The following WDFY4 variants were observed in gnomAD, a reference collection of about 807,000 sequenced individuals.
WDFY4 encodes WDFY family member 4, also known as WD repeat- and FYVE domain-containing protein 4.
A neutral mutation model predicts 351.9 loss-of-function variants in WDFY4; 169 were observed. The ratio of observed to expected loss-of-function variants is 0.48; its 90% confidence interval spans 0.42 to 0.55. The LOEUF is 0.55. WDFY4 is among the 20% of genes least tolerant of loss of function. WDFY4 has a pLI of 0.00. For missense variants in WDFY4, 3,803 were observed against 3,935.6 expected, an observed-to-expected ratio of 0.97 and a Z score of 0.90; for synonymous variants, 1,622 against 1,574.6, an observed-to-expected ratio of 1.03 and a Z score of -0.71.
At chr10:48,905,269 G>A (rs1159793005) in intron 47 of WDFY4, among the ~76,000 whole-genome samples, 1 of 152,214 alleles carries the variant, frequency 6.6e-6, no homozygotes, top group East Asian at 1.9e-4. Context: ...GAGGGGCAGA[G>A]GGAGGAATGC....
intron 39 of WDFY4, among the ~76,000 whole-genome samples, chr10:48,848,355 A>G (rs2068846466): frequency 6.6e-6 from 1 of 152,252 alleles, no homozygotes; most frequent in South Asian, 2.1e-4. Context: ...CAAGGTGGAT[A>G]TGTCAGCCTT....
chr10:48,941,746 C>A (rs1177797745), intron 47 of WDFY4, 60 bp from the exon 48 acceptor site: 5 of 1,532,408 alleles, frequency 3.3e-6, no homozygotes, highest in South Asian at 1.2e-5. Context: ...CCCCACCTCT[C>A]CCCTGTTTGT....
At chr10:48,688,356 G>C (rs2063109253) in intron 1 of WDFY4, among the ~76,000 whole-genome samples, 1 of 152,028 alleles carries the variant, frequency 6.6e-6, no homozygotes. Flanking sequence ...AAAAAACTAT[G>C]TTCAGATTTG....
chr10:48,736,538 G>A (rs1338709830), intron 11 of WDFY4, among the ~76,000 whole-genome samples: 1 of 152,258 alleles, frequency 6.6e-6, no homozygotes. Context: ...TGGAAGTGCA[G>A]CTCAAATCAG....
intron 44 of WDFY4, among the ~76,000 whole-genome samples, chr10:48,895,836 C>CA (rs2133386861): frequency 6.6e-6 from 1 of 152,272 alleles, no homozygotes; most frequent in Non-Finnish European, 1.5e-5. Context: ...CATAACTCTC[C>CA]AAGGGGCCTC....
intron 47 of WDFY4, chr10:48,909,589 T>C (rs953160074): frequency 6.6e-6 from 1 of 152,026 alleles, no homozygotes; most frequent in African/African-American, 2.4e-5. Flanking sequence ...CCACTCATGG[T>C]GGAAGGTGAA....
At chr10:48,943,500 A>C in intron 49 of WDFY4, 51 bp downstream of exon 49, 3 of 1,534,260 alleles carry the variant, frequency 2.0e-6, no homozygotes, top group South Asian at 1.2e-5. Flanking sequence ...TCGGACGTTG[A>C]TAACAGAGAC....
At chr10:48,704,561 C>A (rs961339277) in intron 1 of WDFY4, among the ~76,000 whole-genome samples, 2 of 152,112 alleles carry the variant, frequency 1.3e-5, no homozygotes, top group Non-Finnish European at 2.9e-5. Context: ...GTCCAAGAAC[C>A]TTTCCAGGGT....
At position 48,785,474 on chromosome 10, in the gene WDFY4, G is replaced by A. The variant is rs140400834; in HGVS notation, c.3577-1165G>A. On this transcript the variant is annotated intron_variant, in intron 19 of 61. Coordinates refer to ENST00000325239, the MANE Select transcript of WDFY4 (RefSeq NM_001394531.1). ...TTCCCTAAAAATTTTCTAGTTTTAC[G>A]TTTTACACTAGAGTTTGCAATCAAT... 9.4e-4 allele frequency among the ~76,000 whole-genome samples: 143 copies of A among 152,042 alleles called. 1 individual carries two copies. The highest frequency in any genetic ancestry group is 3.1e-3 in the African/African-American group (129 of 41,456).
At chr10:48,979,499 G>A (rs900450898) in intron 60 of WDFY4, among the ~76,000 whole-genome samples, 2 of 152,186 alleles carry the variant, frequency 1.3e-5, no homozygotes, top group African/African-American at 2.4e-5. Flanking sequence ...CATTAGCTAA[G>A]CCTACGGTTG....
intron 47 of WDFY4, among the ~76,000 whole-genome samples, chr10:48,927,948 C>T (rs1016899078): frequency 6.6e-6 from 1 of 152,120 alleles, no homozygotes; most frequent in African/African-American, 2.4e-5. Flanking sequence ...GTTCATCCAC[C>T]CTATGTTCAA....
chr10:48,712,340 A>G (rs1278643516), intron 2 of WDFY4, among the ~76,000 whole-genome samples: 1 of 152,248 alleles, frequency 6.6e-6, no homozygotes, highest in African/African-American at 2.4e-5. Context: ...CTTTTCCACC[A>G]GCCTCCAGTG....
intron 39 of WDFY4, among the ~76,000 whole-genome samples, chr10:48,857,590 A>G (rs1362684755): frequency 6.6e-6 from 1 of 152,216 alleles, no homozygotes; most frequent in Non-Finnish European, 1.5e-5. Context: ...ACATTTTGAG[A>G]ATCATTAGTA....
chr10:48,721,800 C>T (rs370642133), intron 4 of WDFY4, among the ~76,000 whole-genome samples: 12 of 152,262 alleles, frequency 7.9e-5, no homozygotes, highest in African/African-American at 1.4e-4. Context: ...GTGATGAGAA[C>T]GCAGGCTTAC....
Position 48,721,352 on chromosome 10 carries a change from C to T in WDFY4, c.441C>T (p.Leu147=), listed in dbSNP as rs2064081989. The T allele has an allele frequency of 1.9e-6, 3 of 1,551,504 alleles. No homozygotes were observed. The highest frequency in any genetic ancestry group is 1.4e-5 in the African/African-American group (1 of 73,012). The change falls in exon 4 of 62, where the codon CTC becomes CTT. Residue 147 remains leucine, a synonymous_variant. Coordinates refer to ENST00000325239, the MANE Select transcript of WDFY4 (RefSeq NM_001394531.1). ...TGCTCCTGAAGTCAGTGTACGTGCT[C>T]ACGGGGACAGACTCGGTAAGTTTCA... ...GYLLLKSVYV[L]TGTDSETLGR...
chr10:48,729,366 C>A (rs928544506), intron 7 of WDFY4, 66 bp from the exon 8 acceptor site: 3 of 1,528,586 alleles, frequency 2.0e-6, no homozygotes, highest in Non-Finnish European at 2.6e-6. Flanking sequence ...TCCTTGAGAG[C>A]ACCATGCACG....
chr10:48,707,611 C>T (rs10776634), intron 1 of WDFY4, among the ~76,000 whole-genome samples: 33,291 of 152,150 alleles, frequency 0.22, 4,985 homozygotes, highest in East Asian at 0.65. Flanking sequence ...TTGACAAACA[C>T]AGAGACACGT....
chr10:48,804,749 G>C, intron 25 of WDFY4: 1 of 983,006 alleles, frequency 1.0e-6, no homozygotes, highest in Non-Finnish European at 1.2e-6. Context: ...GAATTTACTG[G>C]AAATTGGATT....
intron 47 of WDFY4, among the ~76,000 whole-genome samples, chr10:48,906,936 C>T (rs965823047): frequency 1.4e-5 from 2 of 147,278 alleles, no homozygotes; most frequent in African/African-American, 5.1e-5. Flanking sequence ...CAGGCTTTTG[C>T]GATTTTTTTT....
Sources: allele counts gnomAD v4.1 joint callset (sites outside exome capture counted in the v4.1 genomes callset), GRCh38; gene constraint gnomAD v4.1.1; transcripts MANE v1.5; gene names NCBI Gene and HGNC (gene_info 2026-07-23, HGNC 2026-07-21).